Variants in ONECUT1 observed in about 807,000 individuals in gnomAD.
ONECUT1 encodes one cut homeobox 1.
In ONECUT1, 12 loss-of-function variants were observed where a neutral mutation model predicts 25.6. That is an observed-to-expected ratio of 0.47 (90% CI 0.30 to 0.76). The LOEUF (loss-of-function observed/expected upper bound fraction) is 0.76, where lower values mean the gene tolerates loss of function less well. ONECUT1 is among the 30% of genes least tolerant of loss of function. The pLI is 0.07. For missense variants in ONECUT1, 620 were observed against 651.2 expected (o/e 0.95, Z 0.52); for synonymous variants, 285 against 270.2 (o/e 1.05, Z -0.54).
At chr15:52,758,563 A>G (rs185277696) in intron 1 of ONECUT1, among the ~76,000 whole-genome samples, 1 of 152,204 alleles carries the variant, frequency 6.6e-6, no homozygotes, top group Non-Finnish European at 1.5e-5. Flanking sequence ...AAACCTGCCA[A>G]GTTAGCCATG....
rs1555416122 is a variant in ONECUT1 at position 52,777,737 on chromosome 15, C to CAAAAAA, written c.1105+11037_1105+11042dup. ...ACACACACACACACACACACACACA[C>CAAAAAA]AAAAAAACATGTAAAGTTATTTGTT... On this transcript the variant is annotated intron_variant, in intron 1 of 1. Coordinates refer to ENST00000305901, the MANE Select transcript of ONECUT1 (RefSeq NM_004498.4). Among the ~76,000 whole-genome samples the CAAAAAA allele has an allele frequency of 2.7e-3, 283 of 103,446 alleles. 21 individuals are homozygous for CAAAAAA. In the East Asian group the frequency reaches 0.067, roughly 24 times the overall value. 67.9% of individuals were successfully genotyped at this position (103,446 alleles called of 152,430 possible).
At chr15:52,777,617 A>T (rs1252521070) in intron 1 of ONECUT1, among the ~76,000 whole-genome samples, 2 of 149,920 alleles carry the variant, frequency 1.3e-5, no homozygotes, top group African/African-American at 5.0e-5. Context: ...TTCTTCCTCC[A>T]TTTCTGTCCC....
chr15:52,767,976 G>T (rs1221959744), intron 1 of ONECUT1, among the ~76,000 whole-genome samples: 4 of 152,098 alleles, frequency 2.6e-5, no homozygotes, highest in African/African-American at 9.7e-5. Context: ...TCACGCGTAG[G>T]ATCTAAAAAA....
chr15:52,769,386 A>G lies in ONECUT1; in HGVS notation c.1106-11539T>C, dbSNP rs903600764. Among the ~76,000 whole-genome samples, 5 of 152,248 alleles carry G rather than the reference A, an allele frequency of 3.3e-5. No individual in the cohort carries two copies. The East Asian group carries it at 9.6e-4, about 29-fold the overall frequency. On this transcript the variant is annotated intron_variant, in intron 1 of 1. Transcript: ENST00000305901. Reference sequence around the variant, plus strand: ...AGAGACACAAGTCTTTTAAGTTTTGAAAATGTGTGCATAGAATGAAGTTCC... The same window carrying G: ...AGAGACACAAGTCTTTTAAGTTTTGGAAATGTGTGCATAGAATGAAGTTCC...
At chr15:52,783,868 C>A (rs73411664) in intron 1 of ONECUT1, among the ~76,000 whole-genome samples, 6,005 of 152,276 alleles carry the variant, frequency 0.039, 365 homozygotes, top group African/African-American at 0.13. Flanking sequence ...ATTTTGTTTT[C>A]ATGAATTGGG....
intron 1 of ONECUT1, among the ~76,000 whole-genome samples, chr15:52,768,116 G>GT (rs1217551567): frequency 6.6e-6 from 1 of 152,056 alleles, no homozygotes; most frequent in Non-Finnish European, 1.5e-5. Flanking sequence ...ATAAGACCCA[G>GT]TGTTAGGTGG....
chr15:52,785,334 C>A (rs1284102425), intron 1 of ONECUT1, among the ~76,000 whole-genome samples: 2 of 152,308 alleles, frequency 1.3e-5, no homozygotes, highest in South Asian at 2.1e-4. Flanking sequence ...CTCATGGCCG[C>A]CCCCCGACCG....
Position 52,789,477 on chromosome 15 carries a change from G to C in ONECUT1, c.408C>G (p.His136Gln). Reference sequence around the variant, plus strand: ...CGTTGCCCGCCAGGCGCTGGTGGTGGTGCGGGTGGTGGTGGTGATGGTGGT... The same window carrying C: ...CGTTGCCCGCCAGGCGCTGGTGGTGCTGCGGGTGGTGGTGGTGATGGTGGT... Reference protein sequence around the residue: ...HHHHHHHHHPHHHQRLAGNVS... With the variant: ...HHHHHHHHHPQHHQRLAGNVS... Residue 136 changes from histidine (H) to glutamine (Q), a missense_variant, in exon 1 of 2, where the codon CAC becomes CAG. Around this residue, in one of 4 missense-constraint regions of ONECUT1, gnomAD observed 440 missense variants for 404.9 expected, o/e 1.09. Transcript: ENST00000305901. The surrounding 1 kb of genome is among the most constrained non-coding windows in gnomAD (Gnocchi z 4.1). 1 of 1,613,242 alleles carries C rather than the reference G, an allele frequency of 6.2e-7. No homozygotes were observed. The highest frequency in any genetic ancestry group is 8.5e-7 in the Non-Finnish European group (1 of 1,179,684).
intron 1 of ONECUT1, among the ~76,000 whole-genome samples, chr15:52,782,431 T>C (rs983305898): frequency 6.6e-6 from 1 of 152,216 alleles, no homozygotes; most frequent in Admixed American, 6.5e-5. Context: ...AACCTATTGA[T>C]AGAAGGTAGG....
chr15:52,780,543 C>A, intron 1 of ONECUT1: 1 of 1,510,536 alleles, frequency 6.6e-7, no homozygotes, highest in South Asian at 1.2e-5. Context: ...TTAACTGCAT[C>A]TTAATTACCC....
At chr15:52,771,961 A>T (rs534889246) in intron 1 of ONECUT1, among the ~76,000 whole-genome samples, 1 of 152,304 alleles carries the variant, frequency 6.6e-6, no homozygotes, top group South Asian at 2.1e-4. Flanking sequence ...AATTCCTGTG[A>T]GTTCAGGTCC....
chr15:52,787,623 T>G, intron 1 of ONECUT1: 3 of 9,808 alleles, frequency 3.1e-4, no homozygotes, highest in African/African-American at 7.6e-4. Flanking sequence ...GAGATGGAGG[T>G]GGAGGTGGGG....
At chr15:52,769,072 C>T (rs1566990247) in intron 1 of ONECUT1, among the ~76,000 whole-genome samples, 1 of 152,210 alleles carries the variant, frequency 6.6e-6, no homozygotes, top group Non-Finnish European at 1.5e-5. Flanking sequence ...TCTCCTACAT[C>T]CAGAATGTCC....
chr15:52,761,657 C>A (rs2083706716), intron 1 of ONECUT1, among the ~76,000 whole-genome samples: 1 of 152,074 alleles, frequency 6.6e-6, no homozygotes, highest in African/African-American at 2.4e-5. Flanking sequence ...GGCAAGAGAG[C>A]AAGATTCCAT....
At chr15:52,760,366 G>T (rs1312584418) in intron 1 of ONECUT1, among the ~76,000 whole-genome samples, 1 of 152,260 alleles carries the variant, frequency 6.6e-6, no homozygotes, top group South Asian at 2.1e-4. Context: ...GTCAGCCCGT[G>T]TGGACACAGC....
Position 52,784,463 on chromosome 15 carries a change from A to G in ONECUT1, c.1105+4317T>C, listed in dbSNP as rs2083860979. On this transcript the variant is annotated intron_variant, in intron 1 of 1. Coordinates refer to ENST00000305901, the MANE Select transcript of ONECUT1 (RefSeq NM_004498.4). The surrounding 1 kb of genome is among the most constrained non-coding windows in gnomAD (Gnocchi z 5.0). ...TGGCAGGCATCCTAGCTGCGCTGAC[A>G]CCAAGGTCGCCACACAATAGCCATC... Among the ~76,000 whole-genome samples the G allele has an allele frequency of 6.6e-6, 1 of 152,104 alleles. No individual in the cohort carries two copies. The highest frequency in any genetic ancestry group is 2.1e-4 in the South Asian group (1 of 4,824).
rs1436478652 is a variant in ONECUT1 at position 52,789,599 on chromosome 15, C to T, written c.286G>A (p.Gly96Ser). Reference sequence around the variant, plus strand: ...GTGTAGGTGGTGGGCATGCTCATACCTGGGGGAGTCTCGCAGGCCATGGTC... The same window carrying T: ...GTGTAGGTGGTGGGCATGCTCATACTTGGGGGAGTCTCGCAGGCCATGGTC... ...TMTMACETPP[G>S]MSMPTTYTTL... is the part of the protein sequence containing the mutation. Residue 96 changes from glycine (G) to serine (S), a missense_variant, in exon 1 of 2, where the codon GGT becomes AGT. Gly to Ser is a moderately conservative substitution (Grantham distance 56). Around this residue, in one of 4 missense-constraint regions of ONECUT1, gnomAD observed 440 missense variants for 404.9 expected, o/e 1.09. Coordinates refer to ENST00000305901, the MANE Select transcript of ONECUT1 (RefSeq NM_004498.4). The surrounding 1 kb of genome is among the most constrained non-coding windows in gnomAD (Gnocchi z 4.1). 1 of 1,569,128 alleles carries T rather than the reference C, an allele frequency of 6.4e-7. No homozygotes were observed.
chr15:52,782,769 C>A (rs2083849582), intron 1 of ONECUT1, among the ~76,000 whole-genome samples: 1 of 152,130 alleles, frequency 6.6e-6, no homozygotes, highest in South Asian at 2.1e-4. Flanking sequence ...GGAAACTAGT[C>A]ATTTCTCATT....
chr15:52,777,578 G>A (rs1470253282), intron 1 of ONECUT1, among the ~76,000 whole-genome samples: 4 of 151,868 alleles, frequency 2.6e-5, no homozygotes, highest in Admixed American at 6.6e-5. Context: ...GGGCCCCCAC[G>A]CATGCTGTTG....
Sources: gnomAD v4.1 joint callset for allele counts (sites outside exome capture counted in the v4.1 genomes callset) on GRCh38, gnomAD v4.1.1 for gene constraint, gnomAD v4.1.1 regional missense constraint, Gnocchi (gnomAD v3.1) non-coding constraint, MANE v1.5 for transcripts, NCBI Gene and HGNC (gene_info 2026-07-23, HGNC 2026-07-21) for gene names.